Variants in UBLCP1 observed in about 807,000 individuals in gnomAD.
The protein encoded by UBLCP1 is ubiquitin-like domain-containing CTD phosphatase 1.
UBLCP1 carries 28 observed loss-of-function variants against 42.4 expected under a neutral mutation model. The ratio of observed to expected loss-of-function variants is 0.66; its 90% CI spans 0.49 to 0.90. The LOEUF (loss-of-function observed/expected upper bound fraction) is 0.90. UBLCP1 is among the 40% of genes least tolerant of loss of function. The pLI is 0.00. For missense variants in UBLCP1, 279 were observed against 374.5 expected (o/e 0.75, Z 2.10); for synonymous variants, 122 against 120.8 (o/e 1.01, Z -0.07).
Position 159,268,966 on chromosome 5 carries a change from C to G in UBLCP1, c.51C>G (p.Thr17=). ...GGGGTGGACAGGAGTATTCAGTGAC[C>G]ACACTTTCAGAAGATGATACTGTGC... ...VKWGGQEYSV[T]TLSEDDTVLD... Residue 17 remains threonine, a synonymous_variant, in exon 2 of 11, where the codon ACC becomes ACG. Coordinates refer to ENST00000296786, the MANE Select transcript of UBLCP1 (RefSeq NM_145049.5). 6.2e-7 allele frequency: 1 copy of G among 1,612,046 alleles called. No homozygotes were observed. Among genetic ancestry groups the G allele is most frequent in the Non-Finnish European group, 8.5e-7 (1 of 1,179,244 alleles).
chr5:159,265,058 G>GAAT (rs1458180765), intron 1 of UBLCP1, among the ~76,000 whole-genome samples: 1 of 152,086 alleles, frequency 6.6e-6, no homozygotes, highest in East Asian at 1.9e-4. Context: ...GTCTAAAATG[G>GAAT]AATACGTTAC....
chr5:159,281,593 G>A (rs1035928022), intron 9 of UBLCP1, among the ~76,000 whole-genome samples: 5 of 152,220 alleles, frequency 3.3e-5, no homozygotes, highest in Admixed American at 2.6e-4. Flanking sequence ...ATGGGAGCCA[G>A]CTAACAGTGT....
intron 1 of UBLCP1, among the ~76,000 whole-genome samples, chr5:159,267,114 T>C (rs1753405751): frequency 6.6e-6 from 1 of 152,108 alleles, no homozygotes; most frequent in South Asian, 2.1e-4. Flanking sequence ...CAGCTTGTAC[T>C]GTGTGCCTGG....
chr5:159,267,370 A>G (rs1234777261), intron 1 of UBLCP1, among the ~76,000 whole-genome samples: 1 of 152,174 alleles, frequency 6.6e-6, no homozygotes, highest in Non-Finnish European at 1.5e-5. Flanking sequence ...CCCATTTGGA[A>G]TGGCTATATT....
intron 6 of UBLCP1, chr5:159,274,318 A>C: frequency 3.3e-6 from 1 of 303,332 alleles, no homozygotes; most frequent in Non-Finnish European, 6.1e-6. Flanking sequence ...TTGATTTATA[A>C]ATTTCCTAGG....
At chr5:159,273,934 G>T (rs1333178769) in intron 6 of UBLCP1, among the ~76,000 whole-genome samples, 1 of 151,476 alleles carries the variant, frequency 6.6e-6, no homozygotes, top group African/African-American at 2.4e-5. Context: ...GTATAGTTTA[G>T]TCCAGTAAAC....
chr5:159,281,871 AAAAAC>A (rs768588666), intron 9 of UBLCP1, among the ~76,000 whole-genome samples: 1 of 152,150 alleles, frequency 6.6e-6, no homozygotes, highest in Non-Finnish European at 1.5e-5. Flanking sequence ...CAAAAAAAAA[AAAAAC>A]TAATGACCAA....
At chr5:159,279,986 G>A (rs1753589074) in intron 9 of UBLCP1, among the ~76,000 whole-genome samples, 1 of 152,098 alleles carries the variant, frequency 6.6e-6, no homozygotes, top group Admixed American at 6.6e-5. Flanking sequence ...CAACATTTGA[G>A]CTCCATTCAT....
At position 159,283,429 on chromosome 5, in the gene UBLCP1, G is replaced by C; in HGVS notation, c.929+90G>C. ...CAGTGACCCCAGTATATATATAGCT[G>C]TCTTAATTTTTATTTAAAATAGGTG... On this transcript the variant is annotated intron_variant, in intron 10 of 10. Transcript: ENST00000296786. 4.6e-6 allele frequency: 5 copies of C among 1,087,060 alleles called. No individual in the cohort carries two copies. In the South Asian group the frequency reaches 7.6e-5, roughly 17 times the overall value. 67.3% of individuals were successfully genotyped at this position (1,087,060 alleles called of 1,614,324 possible). A position where few individuals can be genotyped will look rare whatever the true frequency, so the allele number is the denominator to read the frequency against.
intron 1 of UBLCP1, among the ~76,000 whole-genome samples, chr5:159,265,313 A>G (rs1220437441): frequency 2.0e-5 from 3 of 152,210 alleles, no homozygotes; most frequent in Non-Finnish European, 4.4e-5. Context: ...GTGCAATCAA[A>G]TGTTTCATCA....
intron 8 of UBLCP1, 21 bp from the exon 9 acceptor site, chr5:159,278,217 A>C (rs772520008): frequency 5.9e-6 from 9 of 1,523,706 alleles, no homozygotes; most frequent in Admixed American, 1.7e-5. Flanking sequence ...ATTTGAGTTA[A>C]ATGTAAACTT....
intron 9 of UBLCP1, among the ~76,000 whole-genome samples, chr5:159,279,786 C>A (rs537900510): frequency 6.6e-6 from 1 of 152,168 alleles, no homozygotes; most frequent in Admixed American, 6.5e-5. Context: ...AAAATGTATT[C>A]TTGAGTCTTG....
At position 159,281,329 on chromosome 5, in the gene UBLCP1, A is replaced by G. The variant is rs150430460; in HGVS notation, c.802-1883A>G. Among the ~76,000 whole-genome samples, 678 of 152,322 alleles carry G rather than the reference A, an allele frequency of 4.5e-3. 9 individuals are homozygous for G. Among genetic ancestry groups the G allele is most frequent in the African/African-American group, 0.015 (630 of 41,572 alleles). On this transcript the variant is annotated intron_variant, in intron 9 of 10. Transcript: ENST00000296786. Reference sequence around the variant, plus strand: ...CAGTCCTTAGGAAGTGAATGAAGGAATACTTTAAAACATTACCATATCACC... The same window carrying G: ...CAGTCCTTAGGAAGTGAATGAAGGAGTACTTTAAAACATTACCATATCACC...
chr5:159,274,908 C>A (rs1753514480), intron 7 of UBLCP1, among the ~76,000 whole-genome samples: 1 of 152,144 alleles, frequency 6.6e-6, no homozygotes, highest in Non-Finnish European at 1.5e-5. Flanking sequence ...GTGTGCAATA[C>A]TTAAAGAGTC....
In UBLCP1 at chr5:159,270,541, C is replaced by G; in HGVS notation, c.346C>G (p.Leu116Val). The G allele has an allele frequency of 1.2e-6, 2 of 1,609,154 alleles. No homozygotes were observed. The highest frequency in any genetic ancestry group is 1.7e-6 in the Non-Finnish European group (2 of 1,178,464). ...VEVENREENL[L>V]KISRRVKEYK... is the part of the protein sequence containing the mutation. ...GTTTTCCATTAGGGAAGAAAACCTA[C>G]TGAAAATTTCTCGCAGAGTGAAAGA... The change falls in exon 5 of 11, where the codon CTG (leucine) becomes GTG (valine). Residue 116 changes from leucine (L) to valine (V), a missense_variant. Leu to Val is a conservative substitution (Grantham distance 32). Coordinates refer to ENST00000296786, the MANE Select transcript of UBLCP1 (RefSeq NM_145049.5).
intron 8 of UBLCP1, among the ~76,000 whole-genome samples, chr5:159,276,984 G>A (rs1308547453): frequency 6.6e-6 from 1 of 152,026 alleles, no homozygotes; most frequent in Non-Finnish European, 1.5e-5. Flanking sequence ...AGTAGTTTGT[G>A]TTTTGGGGAA....
At chr5:159,267,672 G>A (rs1753415607) in intron 1 of UBLCP1, among the ~76,000 whole-genome samples, 1 of 152,208 alleles carries the variant, frequency 6.6e-6, no homozygotes, top group East Asian at 1.9e-4. Flanking sequence ...TATGTGTTAT[G>A]AGAGGGACCC....
chr5:159,267,697 G>A (rs1051404417), intron 1 of UBLCP1, among the ~76,000 whole-genome samples: 3 of 152,200 alleles, frequency 2.0e-5, no homozygotes, highest in Non-Finnish European at 2.9e-5. Context: ...GAAGGTAATT[G>A]AATCTTGGGG....
intron 1 of UBLCP1, among the ~76,000 whole-genome samples, chr5:159,267,890 A>G (rs1459157076): frequency 6.6e-6 from 1 of 152,216 alleles, no homozygotes; most frequent in Non-Finnish European, 1.5e-5. Flanking sequence ...GTAAAGTCCA[A>G]TTAAACCTCT....
Sources: allele counts gnomAD v4.1 joint callset (sites outside exome capture counted in the v4.1 genomes callset), GRCh38; gene constraint gnomAD v4.1.1; transcripts MANE v1.5; gene names NCBI Gene and HGNC (gene_info 2026-07-23, HGNC 2026-07-21).